Variants in FMN1 observed in about 807,000 individuals in gnomAD.
FMN1 encodes the protein formin 1.
A neutral mutation model predicts 132.4 loss-of-function variants in FMN1; 110 were observed. That is an observed-to-expected ratio of 0.83 (90% confidence interval 0.71 to 0.97). The LOEUF (loss-of-function observed/expected upper bound fraction) is 0.97, where lower values mean the gene tolerates loss of function less well. FMN1 is among the 50% of genes least tolerant of loss of function. FMN1 has a pLI of 0.00. For missense variants in FMN1, 1,792 were observed against 1,705.3 expected (o/e 1.05, Z -0.90); for synonymous variants, 722 against 651.7 (o/e 1.11, Z -1.64).
At chr15:33,108,254 G>T (rs345772) in intron 4 of FMN1, among the ~76,000 whole-genome samples, 1 of 151,808 alleles carries the variant, frequency 6.6e-6, no homozygotes, top group South Asian at 2.1e-4. Context: ...GAAAAGATAT[G>T]AAACTCAATC....
At chr15:32,862,374 A>G (rs2059290651) in intron 16 of FMN1, among the ~76,000 whole-genome samples, 1 of 152,230 alleles carries the variant, frequency 6.6e-6, no homozygotes, top group Admixed American at 6.5e-5. Flanking sequence ...AATTAAAAAT[A>G]TATTAATTTC....
At chr15:33,189,093 C>T (rs544002661) in intron 2 of FMN1, among the ~76,000 whole-genome samples, 5 of 152,146 alleles carry the variant, frequency 3.3e-5, no homozygotes, top group East Asian at 3.9e-4. Flanking sequence ...AAATTGTTTT[C>T]GGAGGTTAAA....
intron 6 of FMN1, among the ~76,000 whole-genome samples, chr15:33,030,499 G>A (rs866437171): frequency 3.9e-5 from 6 of 152,228 alleles, no homozygotes; most frequent in Non-Finnish European, 5.9e-5. Context: ...TAAGCGGCTT[G>A]CAATAAATAT....
intron 6 of FMN1, among the ~76,000 whole-genome samples, chr15:33,033,043 T>C (rs1042499046): frequency 1.3e-5 from 2 of 152,194 alleles, no homozygotes; most frequent in Non-Finnish European, 2.9e-5. Context: ...GTTTGTTTTT[T>C]GTTTTTAAAT....
intron 5 of FMN1, among the ~76,000 whole-genome samples, chr15:33,073,584 G>C (rs1215036076): frequency 6.6e-6 from 1 of 152,104 alleles, no homozygotes; most frequent in Admixed American, 6.6e-5. Flanking sequence ...GAGAGCTGAG[G>C]AAATTATAAC....
intron 7 of FMN1, among the ~76,000 whole-genome samples, chr15:32,995,940 T>C (rs920242307): frequency 6.6e-6 from 1 of 152,200 alleles, no homozygotes; most frequent in African/African-American, 2.4e-5. Flanking sequence ...CAATGCTCAT[T>C]GGAGAATTAG....
chr15:33,127,049 A>G (rs968783259), intron 4 of FMN1, among the ~76,000 whole-genome samples: 22 of 151,790 alleles, frequency 1.4e-4, no homozygotes, highest in African/African-American at 5.3e-4. Context: ...GCAAAAAGAC[A>G]TATTAAGCTT....
In FMN1 at chr15:33,091,921, G is replaced by T. The variant is rs565520708; in HGVS notation, c.1868-2947C>A. Among the ~76,000 whole-genome samples, 30 of 152,280 alleles carry T rather than the reference G, an allele frequency of 2.0e-4. No homozygotes were observed. The South Asian group carries it at 6.0e-3, about 31-fold the overall frequency. On this transcript the variant is annotated intron_variant, in intron 4 of 20. Coordinates refer to ENST00000616417, the MANE Select transcript of FMN1 (RefSeq NM_001277313.2). ...GTGTTAGATCTTTAGAGAATATTTT[G>T]TGAAAAACTGAATCAGTCTTATCAG...
intron 16 of FMN1, among the ~76,000 whole-genome samples, chr15:32,872,787 G>A (rs1203088775): frequency 2.0e-5 from 3 of 152,190 alleles, no homozygotes; most frequent in African/African-American, 4.8e-5. Flanking sequence ...AGTCTTCCAC[G>A]GTTTCTCTGA....
intron 4 of FMN1, among the ~76,000 whole-genome samples, chr15:33,126,785 G>A (rs1012707297): frequency 2.6e-5 from 4 of 152,236 alleles, no homozygotes. Flanking sequence ...CAGCCAGTTT[G>A]CAGGGCCATG....
chr15:33,143,881 A>G (rs1332657413), intron 4 of FMN1, among the ~76,000 whole-genome samples: 1 of 152,258 alleles, frequency 6.6e-6, no homozygotes, highest in East Asian at 1.9e-4. Context: ...CTAAAGATTA[A>G]GTTCTTTATC....
At position 32,768,986 on chromosome 15, in the gene FMN1, G is replaced by GTC. The variant is rs1167404234; in HGVS notation, c.*5322_*5323dup. ...ATCAGAGAAAGGTAAGAGAGAAAAG[G>GTC]TCTTCTATGGCCCTGGTTATCACCA... On this transcript the variant is annotated 3_prime_UTR_variant, in exon 21 of 21. Coordinates refer to ENST00000616417, the MANE Select transcript of FMN1 (RefSeq NM_001277313.2). 1 of 137,838 alleles carries GTC rather than the reference G, an allele frequency of 7.3e-6. No homozygotes were observed. The highest frequency in any genetic ancestry group is 1.6e-5 in the Non-Finnish European group (1 of 62,756). 8.5% of individuals were successfully genotyped at this position (137,838 alleles called of 1,614,324 possible).
intron 3 of FMN1, among the ~76,000 whole-genome samples, chr15:33,166,232 C>A (rs1044838939): frequency 1.3e-5 from 2 of 152,006 alleles, no homozygotes; most frequent in Admixed American, 6.6e-5. Flanking sequence ...AACTAGTGAG[C>A]AATGGAACTG....
At chr15:33,152,788 CAA>C (rs367698101) in intron 4 of FMN1, among the ~76,000 whole-genome samples, 7 of 65,948 alleles carry the variant, frequency 1.1e-4, no homozygotes, top group South Asian at 1.0e-3. Flanking sequence ...TAGAGGATGC[CAA>C]AAAAAAAAAA....
rs201575651 is a variant in FMN1, at chr15:32,792,466, AC to A, written c.4130+6337del. Among the ~76,000 whole-genome samples, 632 of 134,910 alleles carry A rather than the reference AC, an allele frequency of 4.7e-3. 5 individuals are homozygous for A. The highest frequency in any genetic ancestry group is 0.016 in the African/African-American group (591 of 36,422). 88.5% of individuals were successfully genotyped at this position (134,910 alleles called of 152,430 possible). The stretch of plus-strand genomic sequence containing the variant: ...TCTCAAAACAAAATAAAACAAACAA[AC>A]AAAAAAAACCCAAAAAAACTAGCAG... On this transcript the variant is annotated intron_variant, in intron 19 of 20. Coordinates refer to ENST00000616417, the MANE Select transcript of FMN1 (RefSeq NM_001277313.2).
chr15:32,908,643 A>G (rs1228205113), intron 11 of FMN1, 65 bp from the exon 12 acceptor site: 1 of 981,484 alleles, frequency 1.0e-6, no homozygotes, highest in East Asian at 2.6e-5. Context: ...GACTCTGGCT[A>G]TGGCAGTGGG....
intron 16 of FMN1, among the ~76,000 whole-genome samples, chr15:32,860,504 C>T (rs749261858): frequency 3.3e-5 from 5 of 151,926 alleles, no homozygotes; most frequent in Admixed American, 3.3e-4. Flanking sequence ...AATACAAATA[C>T]TGGCTGGGCA....
chr15:32,908,382 G>C, intron 12 of FMN1, 108 bp downstream of exon 12: 1 of 715,646 alleles, frequency 1.4e-6, no homozygotes, highest in Non-Finnish European at 2.4e-6. Context: ...ACGGTGTTGT[G>C]ATTTAGCTGG....
chr15:32,778,287 T>C (rs959064628), intron 19 of FMN1, among the ~76,000 whole-genome samples: 7 of 145,132 alleles, frequency 4.8e-5, no homozygotes, highest in Non-Finnish European at 1.1e-4. Flanking sequence ...TATATATATA[T>C]ATATTTTTTT....
Sources: allele counts gnomAD v4.1 joint callset (sites outside exome capture counted in the v4.1 genomes callset), GRCh38; gene constraint gnomAD v4.1.1; transcripts MANE v1.5; gene names NCBI Gene and HGNC (gene_info 2026-07-23, HGNC 2026-07-21).